Variants in DRD2 observed in about 807,000 individuals in gnomAD.
DRD2 encodes the protein dopamine receptor D2, also known as D(2) dopamine receptor.
In DRD2, 8 loss-of-function variants were observed where a neutral mutation model predicts 38.0. The observed-to-expected ratio is 0.21, with a 90% CI of 0.12 to 0.38. The LOEUF (loss-of-function observed/expected upper bound fraction) is 0.38. DRD2 is among the 10% of genes least tolerant of loss of function. DRD2 has a pLI of 1.00. For missense variants in DRD2, 403 were observed against 607.7 expected (o/e 0.66, Z 3.54); for synonymous variants, 230 against 238.6 (o/e 0.96, Z 0.33).
At chr11:113,456,176 G>A (rs866233517) in intron 1 of DRD2, among the ~76,000 whole-genome samples, 1 of 152,318 alleles carries the variant, frequency 6.6e-6, no homozygotes, top group Middle Eastern at 3.4e-3. Flanking sequence ...TACACTAAAT[G>A]AAATAAGCCA....
intron 1 of DRD2, among the ~76,000 whole-genome samples, chr11:113,430,688 A>T (rs541276055): frequency 6.6e-6 from 1 of 152,276 alleles, no homozygotes; most frequent in East Asian, 1.9e-4. Flanking sequence ...TAGCTTCTCC[A>T]TCCTGGCTGG....
In DRD2 at chr11:113,424,477, C is replaced by T; in HGVS notation, c.175G>A (p.Val59Met). 1 of 1,614,266 alleles carries T rather than the reference C, an allele frequency of 6.2e-7. No individual in the cohort carries two copies. Residue 59 changes from valine (V) to methionine (M), a missense_variant, in exon 2 of 8, where the codon GTG becomes ATG. By Grantham distance (21) the Val-to-Met change is conservative (BLOSUM62 1). Around this residue, in one of 4 missense-constraint regions of DRD2, gnomAD observed 162 missense variants for 254.5 expected, o/e 0.64. Coordinates refer to ENST00000362072, the MANE Select transcript of DRD2 (RefSeq NM_000795.4). ...VFGNVLVCMA[V>M]SREKALQTTT... Reference sequence around the variant, plus strand: ...GTCTGCAGCGCCTTCTCGCGGGACACAGCCATGCACACCAGCACGTTGCCG... The same window carrying T: ...GTCTGCAGCGCCTTCTCGCGGGACATAGCCATGCACACCAGCACGTTGCCG...
Position 113,418,227 on chromosome 11 carries a change from C to A in DRD2, c.286-91G>T, listed in dbSNP as rs1011763452. 3 of 1,067,508 alleles carry A rather than the reference C, an allele frequency of 2.8e-6. No individual in the cohort carries two copies. In the African/African-American group the frequency reaches 4.7e-5, roughly 17 times the overall value. The allele number at this position is 1,067,508 out of a possible 1,614,324, so 66.1% of individuals were successfully genotyped here. A position where few individuals can be genotyped will look rare whatever the true frequency, so the allele number is the denominator to read the frequency against. Reference sequence around the variant, plus strand: ...GGTACTCCTGGAGCCGATGAGGCCACAGACTCAGGAGGCAGCTGCAAGTCT... The same window carrying A: ...GGTACTCCTGGAGCCGATGAGGCCAAAGACTCAGGAGGCAGCTGCAAGTCT... On this transcript the variant is annotated intron_variant, in intron 2 of 7. Transcript: ENST00000362072.
At chr11:113,444,041 T>A (rs1285948615) in intron 1 of DRD2, among the ~76,000 whole-genome samples, 2 of 152,172 alleles carry the variant, frequency 1.3e-5, no homozygotes, top group African/African-American at 4.8e-5. Context: ...TTGTTGTTGT[T>A]GTTTGTGTTT....
chr11:113,428,233 A>G (rs889201670), intron 1 of DRD2, among the ~76,000 whole-genome samples: 7 of 152,222 alleles, frequency 4.6e-5, no homozygotes, highest in African/African-American at 1.7e-4. Context: ...CTCAGGATCA[A>G]GATGTGCAAA....
intron 1 of DRD2, among the ~76,000 whole-genome samples, chr11:113,458,111 C>A (rs1015421316): frequency 2.6e-5 from 4 of 152,240 alleles, no homozygotes; most frequent in Non-Finnish European, 4.4e-5. Flanking sequence ...CCGAGACCTG[C>A]AATTAGAAAA....
chr11:113,471,987 T>C (rs1951431712), intron 1 of DRD2, among the ~76,000 whole-genome samples: 1 of 152,210 alleles, frequency 6.6e-6, no homozygotes, highest in Admixed American at 6.5e-5. Flanking sequence ...GTTCTGGCAT[T>C]ATAAAACCTC....
chr11:113,461,822 T>A (rs1951322406), intron 1 of DRD2, among the ~76,000 whole-genome samples: 1 of 152,160 alleles, frequency 6.6e-6, no homozygotes, highest in South Asian at 2.1e-4. Context: ...AATATGCACA[T>A]CCAGCTGCCC....
chr11:113,421,706 A>T (rs1020397683), intron 2 of DRD2, among the ~76,000 whole-genome samples: 2 of 152,200 alleles, frequency 1.3e-5, no homozygotes, highest in Admixed American at 1.3e-4. Context: ...AAAAATCTGG[A>T]TGACAAGAGC....
chr11:113,422,175 C>A (rs1262980318), intron 2 of DRD2, among the ~76,000 whole-genome samples: 4 of 152,300 alleles, frequency 2.6e-5, no homozygotes, highest in East Asian at 1.9e-4. Context: ...GTACTCTCTC[C>A]TTCCTCTTTA....
At chr11:113,419,770 C>G (rs2138171364) in intron 2 of DRD2, among the ~76,000 whole-genome samples, 1 of 152,346 alleles carries the variant, frequency 6.6e-6, no homozygotes, top group African/African-American at 2.4e-5. Context: ...GATCACTGCC[C>G]TCTCTTCTGC....
chr11:113,430,059 G>GT (rs1950972530), intron 1 of DRD2, among the ~76,000 whole-genome samples: 1 of 152,218 alleles, frequency 6.6e-6, no homozygotes, highest in African/African-American at 2.4e-5. Flanking sequence ...GCTCACTAGG[G>GT]TCTGAGGTCC....
chr11:113,424,805 G>A (rs375107125), intron 1 of DRD2, 123 bp from the exon 2 acceptor site: 41 of 996,228 alleles, frequency 4.1e-5, no homozygotes, highest in South Asian at 2.8e-4. Context: ...TAAGGTTTAC[G>A]GCTAAGAATT....
At chr11:113,418,876 G>T (rs1463505520) in intron 2 of DRD2, among the ~76,000 whole-genome samples, 3 of 152,152 alleles carry the variant, frequency 2.0e-5, no homozygotes, top group African/African-American at 7.2e-5. Flanking sequence ...TCTGACTCTT[G>T]ACCCAAGCCT....
intron 4 of DRD2, 45 bp from the exon 5 acceptor site, chr11:113,415,656 C>A (rs1030596917): frequency 6.4e-7 from 1 of 1,570,010 alleles, no homozygotes; most frequent in South Asian, 1.2e-5. Flanking sequence ...AGCGGGCCCA[C>A]CGGCCATAAT....
At chr11:113,412,961 C>T (rs570742430) in intron 6 of DRD2, 78 bp from the exon 7 acceptor site, 14 of 1,476,616 alleles carry the variant, frequency 9.5e-6, no homozygotes, top group Admixed American at 7.9e-5. Context: ...TGGCCCCTCC[C>T]TTTCCCCCTC....
chr11:113,420,926 G>A (rs1950878807), intron 2 of DRD2, among the ~76,000 whole-genome samples: 1 of 152,116 alleles, frequency 6.6e-6, no homozygotes, highest in South Asian at 2.1e-4. Flanking sequence ...TAATGCTCTT[G>A]CTCACATAAA....
intron 2 of DRD2, among the ~76,000 whole-genome samples, chr11:113,419,411 G>A (rs989304276): frequency 5.9e-5 from 9 of 151,738 alleles, no homozygotes; most frequent in African/African-American, 2.2e-4. Flanking sequence ...CTAGCTCCTG[G>A]CAGGAGCACG....
At chr11:113,467,021 G>C (rs1951376330) in intron 1 of DRD2, among the ~76,000 whole-genome samples, 1 of 152,188 alleles carries the variant, frequency 6.6e-6, no homozygotes, top group Non-Finnish European at 1.5e-5. Context: ...AAAATAGTGT[G>C]TGGAAACATG....
Sources: allele counts gnomAD v4.1 joint callset (sites outside exome capture counted in the v4.1 genomes callset), GRCh38; gene constraint gnomAD v4.1.1; regional missense constraint gnomAD v4.1.1; transcripts MANE v1.5; gene names NCBI Gene and HGNC (gene_info 2026-07-23, HGNC 2026-07-21).